TRDN: variants seen among roughly 807,000 people sequenced by gnomAD.
TRDN encodes the protein triadin in skeletal muscle.
A neutral mutation model predicts 149.7 loss-of-function variants in TRDN; 161 were observed. The ratio of observed to expected loss-of-function variants is 1.08; its 90% CI spans 0.95 to 1.23. The LOEUF is 1.23. Among genes scored for constraint, TRDN ranks in the 50% most tolerant of loss-of-function variants. The pLI is 0.00. For synonymous variants in TRDN, 294 were observed against 250.5 expected (o/e 1.17, Z -1.64); for missense variants, 896 against 823.5 (o/e 1.09, Z -1.08).
At chr6:123,294,690 C>T (rs1778133174) in intron 24 of TRDN, among the ~76,000 whole-genome samples, 1 of 152,140 alleles carries the variant, frequency 6.6e-6, no homozygotes, top group South Asian at 2.1e-4. Flanking sequence ...TCACATCCTT[C>T]TGTGCAGGCC....
intron 1 of TRDN, among the ~76,000 whole-genome samples, chr6:123,575,738 G>A (rs1475573798): frequency 2.0e-5 from 3 of 152,052 alleles, no homozygotes; most frequent in African/African-American, 4.8e-5. Context: ...TGGATCTAAA[G>A]ACTGGCTCTA....
Position 123,216,710 on chromosome 6 carries a change from T to A in TRDN, c.*1891A>T, listed in dbSNP as rs1204261434. The A allele has an allele frequency of 6.6e-6, 1 of 151,838 alleles. No homozygotes were observed. The highest frequency in any genetic ancestry group is 1.9e-4 in the East Asian group (1 of 5,132). The allele number at this position is 151,838 out of a possible 1,614,324, so 9.4% of individuals were successfully genotyped here. Reference sequence around the variant, plus strand: ...TGTCCCTATATCCCTATTTTACTCATGGAGAAACAAACATAGTATGTTTAG... The same window carrying A: ...TGTCCCTATATCCCTATTTTACTCAAGGAGAAACAAACATAGTATGTTTAG... On this transcript the variant is annotated 3_prime_UTR_variant, in exon 41 of 41. Coordinates refer to ENST00000334268, the MANE Select transcript of TRDN (RefSeq NM_006073.4).
At chr6:123,267,778 G>A in intron 31 of TRDN, 27 bp from the exon 32 acceptor site, 2 of 1,536,984 alleles carry the variant, frequency 1.3e-6, no homozygotes, top group South Asian at 1.2e-5. Flanking sequence ...AAATTCACTG[G>A]CAATCTGTGG....
intron 37 of TRDN, 153 bp downstream of exon 37, chr6:123,254,928 G>A (rs751457672): frequency 1.5e-5 from 9 of 586,338 alleles, no homozygotes; most frequent in South Asian, 1.4e-4. Context: ...TAAGCTTTCT[G>A]CTAGATTTTC....
At chr6:123,303,564 A>G (rs4114127) in intron 24 of TRDN, among the ~76,000 whole-genome samples, 132,041 of 152,146 alleles carry the variant, frequency 0.87, 57,617 homozygotes, top group East Asian at 0.99. Context: ...TTGTTGATGA[A>G]ATTCGAGGTT....
intron 32 of TRDN, among the ~76,000 whole-genome samples, chr6:123,266,035 A>T (rs1250138957): frequency 7.0e-6 from 1 of 141,884 alleles, no homozygotes; most frequent in Non-Finnish European, 1.5e-5. Flanking sequence ...AATAGCTAAC[A>T]GAGGGAATAC....
chr6:123,282,727 T>C (rs2114634403), intron 24 of TRDN, among the ~76,000 whole-genome samples: 1 of 102,914 alleles, frequency 9.7e-6, no homozygotes, highest in Non-Finnish European at 2.2e-5. Context: ...GAAACTGCTC[T>C]ATTAGATCAA....
intron 2 of TRDN, among the ~76,000 whole-genome samples, chr6:123,566,457 G>T (rs1782302871): frequency 1.3e-5 from 2 of 152,134 alleles, no homozygotes; most frequent in African/African-American, 4.8e-5. Context: ...TGTAAAGGTT[G>T]CCCAGAAGAG....
At chr6:123,252,674 G>C (rs899907713) in intron 37 of TRDN, among the ~76,000 whole-genome samples, 1 of 151,920 alleles carries the variant, frequency 6.6e-6, no homozygotes, top group Non-Finnish European at 1.5e-5. Flanking sequence ...ACATGAAGTG[G>C]TACAATCACA....
intron 38 of TRDN, among the ~76,000 whole-genome samples, chr6:123,246,696 C>T (rs1776194587): frequency 6.6e-6 from 1 of 151,414 alleles, no homozygotes; most frequent in African/African-American, 2.4e-5. Flanking sequence ...GAAACTATTC[C>T]AAACAATAGA....
At chr6:123,579,126 T>C (rs1293303923) in intron 1 of TRDN, among the ~76,000 whole-genome samples, 1 of 152,170 alleles carries the variant, frequency 6.6e-6, no homozygotes, top group Non-Finnish European at 1.5e-5. Context: ...ATCTTCCTAT[T>C]TGGATGCCCT....
At chr6:123,562,003 A>T (rs1319407591) in intron 2 of TRDN, among the ~76,000 whole-genome samples, 5 of 152,142 alleles carry the variant, frequency 3.3e-5, no homozygotes, top group Non-Finnish European at 7.4e-5. Context: ...ACATCCAGAT[A>T]GCCAGTTCCT....
At chr6:123,606,813 A>G (rs1237461414) in intron 1 of TRDN, among the ~76,000 whole-genome samples, 1 of 152,208 alleles carries the variant, frequency 6.6e-6, no homozygotes, top group African/African-American at 2.4e-5. Context: ...TGTGCTAGTT[A>G]TATTGCTTCT....
Position 123,557,944 on chromosome 6 carries a change from G to T in TRDN, c.233-9332C>A, listed in dbSNP as rs148834992. Among the ~76,000 whole-genome samples, 559 of 151,940 alleles carry T rather than the reference G, an allele frequency of 3.7e-3. 4 individuals carry two copies. The highest frequency in any genetic ancestry group is 0.013 in the African/African-American group (532 of 41,416). ...TCAAAGACCTCTTCAACTCACACCTGACCTAAAATCTAAATGCCTTATTTT... is the reference window on the plus strand; with the variant it reads ...TCAAAGACCTCTTCAACTCACACCTTACCTAAAATCTAAATGCCTTATTTT... On this transcript the variant is annotated intron_variant, in intron 2 of 40. Transcript: ENST00000334268.
At chr6:123,482,624 T>C (rs1777795788) in intron 9 of TRDN, among the ~76,000 whole-genome samples, 1 of 152,198 alleles carries the variant, frequency 6.6e-6, no homozygotes, top group African/African-American at 2.4e-5. Flanking sequence ...ATGGAAAAGG[T>C]CTACATCTTA....
At chr6:123,612,767 C>T (rs1784884143) in intron 1 of TRDN, among the ~76,000 whole-genome samples, 1 of 152,136 alleles carries the variant, frequency 6.6e-6, no homozygotes, top group African/African-American at 2.4e-5. Context: ...TATTGAGTAC[C>T]AGTGCGTGGA....
At chr6:123,521,365 A>T (rs1424071029) in intron 5 of TRDN, among the ~76,000 whole-genome samples, 2 of 152,030 alleles carry the variant, frequency 1.3e-5, no homozygotes, top group Admixed American at 6.6e-5. Flanking sequence ...ATAAAAAGAG[A>T]AATTTGGGTC....
At chr6:123,305,012 T>C (rs1270781628) in intron 24 of TRDN, among the ~76,000 whole-genome samples, 1 of 152,134 alleles carries the variant, frequency 6.6e-6, no homozygotes, top group Non-Finnish European at 1.5e-5. Flanking sequence ...TATTTGCAAA[T>C]ATTTTTATGG....
Position 123,464,715 on chromosome 6 carries a change from T to A in TRDN, c.931+191A>T. ...AGCTGAGGGTCACCAATATAGAATCTTAAGGGGACATTTTTGGTTTTCTAA... is the reference window on the plus strand; with the variant it reads ...AGCTGAGGGTCACCAATATAGAATCATAAGGGGACATTTTTGGTTTTCTAA... On this transcript the variant is annotated intron_variant, in intron 10 of 40. Coordinates refer to ENST00000334268, the MANE Select transcript of TRDN (RefSeq NM_006073.4). 4 of 1,384,464 alleles carry A rather than the reference T, an allele frequency of 2.9e-6. No individual in the cohort carries two copies. The South Asian group carries it at 6.8e-5, about 23-fold the overall frequency. The allele number at this position is 1,384,464 out of a possible 1,614,324, so 85.8% of individuals were successfully genotyped here. A position where few individuals can be genotyped will look rare whatever the true frequency, so the allele number is the denominator to read the frequency against.
Sources: gnomAD v4.1 joint callset for allele counts (sites outside exome capture counted in the v4.1 genomes callset) on GRCh38, gnomAD v4.1.1 for gene constraint, MANE v1.5 for transcripts, NCBI Gene and HGNC (gene_info 2026-07-23, HGNC 2026-07-21) for gene names.